FAT3: variants seen among roughly 807,000 people sequenced by gnomAD.
FAT3 encodes the protein FAT atypical cadherin 3.
Under a neutral mutation model 310.2 loss-of-function variants are expected in FAT3, and 95 were observed. That is an observed-to-expected ratio of 0.31 (90% CI 0.26 to 0.36). The LOEUF is 0.36. Ranked by LOEUF, FAT3 falls within the 10% of genes least tolerant of loss-of-function variation. The pLI, the probability that FAT3 is intolerant of heterozygous loss-of-function variation, is 1.00. For missense variants in FAT3, 5,408 were observed against 5,715.6 expected (o/e 0.95, Z 1.74); for synonymous variants, 2,314 against 2,192.9 (o/e 1.06, Z -1.54).
chr11:92,758,941 G>A (rs1203597222), intron 4 of FAT3, among the ~76,000 whole-genome samples: 1 of 152,102 alleles, frequency 6.6e-6, no homozygotes, highest in Non-Finnish European at 1.5e-5. Flanking sequence ...GGAGGTTTGA[G>A]GGTATTGATT....
intron 4 of FAT3, among the ~76,000 whole-genome samples, chr11:92,704,805 TAAGCAGCCAGATTTCATCAA>T (rs1944219131): frequency 6.6e-6 from 1 of 152,162 alleles, no homozygotes; most frequent in African/African-American, 2.4e-5. Context: ...AGCAGACCAG[TAAGCAGCCAGATTTCATCAA>T]CTGGCCTGTC....
At chr11:92,685,518 G>A (rs183924628) in intron 3 of FAT3, among the ~76,000 whole-genome samples, 99 of 151,786 alleles carry the variant, frequency 6.5e-4, no homozygotes, top group Admixed American at 3.3e-3. Flanking sequence ...TTGGATGGAA[G>A]CATGTGTGTG....
intron 2 of FAT3, among the ~76,000 whole-genome samples, chr11:92,378,834 G>C (rs1340978125): frequency 6.6e-6 from 1 of 152,092 alleles, no homozygotes; most frequent in Non-Finnish European, 1.5e-5. Flanking sequence ...GTTCATGGAT[G>C]GTGCTTTCTG....
intron 3 of FAT3, among the ~76,000 whole-genome samples, chr11:92,574,849 T>G (rs761839932): frequency 1.2e-4 from 18 of 152,272 alleles, no homozygotes; most frequent in Non-Finnish European, 2.1e-4. Context: ...ATAGCAACCC[T>G]GTGATGGGGG....
chr11:92,758,842 A>T (rs1034462529), intron 4 of FAT3, among the ~76,000 whole-genome samples: 1 of 152,140 alleles, frequency 6.6e-6, no homozygotes, highest in Non-Finnish European at 1.5e-5. Context: ...ATAGATAGTT[A>T]GACAGAGGGA....
intron 3 of FAT3, among the ~76,000 whole-genome samples, chr11:92,563,007 C>T (rs1461040622): frequency 6.6e-6 from 1 of 152,098 alleles, no homozygotes; most frequent in African/African-American, 2.4e-5. Context: ...TAAAATTAAC[C>T]ATCATATAGT....
chr11:92,393,795 G>A (rs1487005819), intron 2 of FAT3, among the ~76,000 whole-genome samples: 2 of 152,168 alleles, frequency 1.3e-5, no homozygotes, highest in Non-Finnish European at 2.9e-5. Context: ...GCTTCACTCA[G>A]AAGCAGTTGT....
intron 1 of FAT3, among the ~76,000 whole-genome samples, chr11:92,236,522 T>C (rs1305902430): frequency 6.6e-6 from 1 of 152,332 alleles, no homozygotes; most frequent in Admixed American, 6.5e-5. Context: ...CCTGAATGAA[T>C]AGAAATTGGA....
chr11:92,509,121 T>C (rs75950800), intron 2 of FAT3, among the ~76,000 whole-genome samples: 1 of 152,256 alleles, frequency 6.6e-6, no homozygotes, highest in Non-Finnish European at 1.5e-5. Flanking sequence ...AAAGGAGCAG[T>C]TTAAGGATGT....
chr11:92,661,727 A>G (rs1942790135), intron 3 of FAT3, among the ~76,000 whole-genome samples: 1 of 152,168 alleles, frequency 6.6e-6, no homozygotes, highest in Non-Finnish European at 1.5e-5. Flanking sequence ...GAAATTGCAA[A>G]GAGGAATGTT....
intron 3 of FAT3, among the ~76,000 whole-genome samples, chr11:92,525,428 C>T (rs770546121): frequency 2.6e-5 from 4 of 152,170 alleles, no homozygotes; most frequent in African/African-American, 7.2e-5. Flanking sequence ...AAAGAACTTC[C>T]AGTGTCTCAA....
intron 3 of FAT3, among the ~76,000 whole-genome samples, chr11:92,664,178 ATTCT>A (rs1942883846): frequency 6.6e-6 from 1 of 152,174 alleles, no homozygotes; most frequent in Non-Finnish European, 1.5e-5. Flanking sequence ...ATCCAACTGG[ATTCT>A]TTCCTTTGTT....
At chr11:92,469,040 C>T (rs892987160) in intron 2 of FAT3, among the ~76,000 whole-genome samples, 1 of 152,072 alleles carries the variant, frequency 6.6e-6, no homozygotes, top group African/African-American at 2.4e-5. Context: ...GAATTTTGAG[C>T]CAAATCATAA....
rs189212211 is a variant in FAT3, at chr11:92,374,519, G to A, written c.3292+19115G>A. On this transcript the variant is annotated intron_variant, in intron 2 of 27. Coordinates refer to ENST00000525166, the MANE Select transcript of FAT3 (RefSeq NM_001367949.2). The stretch of plus-strand genomic sequence containing the variant: ...CTTGCAGGAAGGCAAGAAAGATGGA[G>A]AATAAGTTTGACTGATTTGCCACAA... Among the ~76,000 whole-genome samples, 238 of 152,300 alleles carry A rather than the reference G, an allele frequency of 1.6e-3. 2 individuals carry two copies. Among genetic ancestry groups the A allele is most frequent in the African/African-American group, 5.6e-3 (234 of 41,570 alleles).
At chr11:92,837,833 T>C (rs573939170) in intron 17 of FAT3, 27 bp downstream of exon 17, 1 of 1,613,710 alleles carries the variant, frequency 6.2e-7, no homozygotes, top group East Asian at 2.2e-5. Flanking sequence ...TGCCAAGCAC[T>C]TGTCCCTTTG....
At chr11:92,324,186 T>C (rs1947706015) in intron 1 of FAT3, among the ~76,000 whole-genome samples, 1 of 152,244 alleles carries the variant, frequency 6.6e-6, no homozygotes, top group African/African-American at 2.4e-5. Flanking sequence ...TGCTTTCTTA[T>C]CATTCTTGTG....
intron 13 of FAT3, among the ~76,000 whole-genome samples, chr11:92,818,437 A>G (rs764754431): frequency 2.0e-5 from 3 of 152,216 alleles, no homozygotes; most frequent in South Asian, 2.1e-4. Context: ...CGTGTCTTCC[A>G]TAGTGGAGGC....
At chr11:92,416,383 CAA>C (rs60702258) in intron 2 of FAT3, among the ~76,000 whole-genome samples, 14,829 of 107,740 alleles carry the variant, frequency 0.14, 891 homozygotes, top group African/African-American at 0.2. Context: ...GACTCCATCT[CAA>C]AAAAAAAAAA....
intron 13 of FAT3, among the ~76,000 whole-genome samples, chr11:92,820,266 C>G (rs779261462): frequency 1.3e-5 from 2 of 152,144 alleles, no homozygotes; most frequent in African/African-American, 2.4e-5. Flanking sequence ...GGTTTGTAGA[C>G]AGCTCCTTCT....
Sources: allele counts gnomAD v4.1 joint callset (sites outside exome capture counted in the v4.1 genomes callset), GRCh38; gene constraint gnomAD v4.1.1; transcripts MANE v1.5; gene names NCBI Gene and HGNC (gene_info 2026-07-23, HGNC 2026-07-21).